CTSD: variants seen among roughly 807,000 people sequenced by gnomAD.
CTSD encodes the protein ceroid-lipofuscinosis, neuronal 10.
CTSD carries 28 observed loss-of-function variants against 43.6 expected under a neutral mutation model. The ratio of observed to expected loss-of-function variants is 0.64; its 90% CI spans 0.48 to 0.88. The LOEUF (loss-of-function observed/expected upper bound fraction) is 0.88, where lower values mean the gene tolerates loss of function less well. Ranked by LOEUF, CTSD falls within the 40% of genes least tolerant of loss-of-function variation. The pLI is 0.00. For synonymous variants in CTSD, 270 were observed against 249.8 expected (o/e 1.08, Z -0.76); for missense variants, 485 against 555.2 (o/e 0.87, Z 1.27).
intron 1 of CTSD, chr11:1,761,801 G>A (rs921337990): frequency 1.2e-5 from 5 of 426,116 alleles, no homozygotes; most frequent in South Asian, 6.3e-5. Flanking sequence ...AGGGTCTCCC[G>A]TCCTCCCTCT....
rs1474705113 is a variant in CTSD, at chr11:1,763,895, C to G, written c.-36G>C. 1.3e-6 allele frequency: 2 copies of G among 1,509,628 alleles called. No individual in the cohort carries two copies. Among genetic ancestry groups the G allele is most frequent in the Admixed American group, 2.0e-5 (1 of 49,254 alleles). 93.5% of individuals were successfully genotyped at this position (1,509,628 alleles called of 1,614,324 possible). ...GCCGGGTCGGAGAGGGTCGCCGAGGCCGTGCGCTTATAGCCGGGATGACGC... is the reference window on the plus strand; with the variant it reads ...GCCGGGTCGGAGAGGGTCGCCGAGGGCGTGCGCTTATAGCCGGGATGACGC... On this transcript the variant is annotated 5_prime_UTR_variant, in exon 1 of 9. Coordinates refer to ENST00000236671, the MANE Select transcript of CTSD (RefSeq NM_001909.5).
Position 1,755,222 on chromosome 11 carries a change from T to C in CTSD, c.705-194A>G, listed in dbSNP as rs1590905254. The C allele has an allele frequency of 1.6e-5, 11 of 686,986 alleles. No individual in the cohort carries two copies. The East Asian group carries it at 3.0e-4, about 19-fold the overall frequency. 42.6% of individuals were successfully genotyped at this position (686,986 alleles called of 1,614,324 possible). A position where few individuals can be genotyped will look rare whatever the true frequency, so the allele number is the denominator to read the frequency against. On this transcript the variant is annotated intron_variant, in intron 5 of 8. Coordinates refer to ENST00000236671, the MANE Select transcript of CTSD (RefSeq NM_001909.5). ...CCTTCTTCCCGGGGTAGGGCTGCTC[T>C]GCGTGGGCCCAGCCTGGCCCAGAAG...
At chr11:1,762,374 C>T (rs577798818) in intron 1 of CTSD, 1 of 152,406 alleles carries the variant, frequency 6.6e-6, no homozygotes, top group Non-Finnish European at 1.5e-5. Context: ...GCTCCTCCCC[C>T]AGGGCCACTG....
chr11:1,758,920 C>G, intron 4 of CTSD, 49 bp downstream of exon 4: 2 of 1,358,782 alleles, frequency 1.5e-6, no homozygotes, highest in Middle Eastern at 1.8e-4. Context: ...TGGGTGAACC[C>G]CACACCCTGG....
At chr11:1,757,132 CTG>C (rs1845819233) in intron 5 of CTSD, among the ~76,000 whole-genome samples, 190 bp downstream of exon 5, 1 of 152,262 alleles carries the variant, frequency 6.6e-6, no homozygotes, top group South Asian at 2.1e-4. Flanking sequence ...ACAGCTTTCT[CTG>C]TGCTGCCGCT....
At chr11:1,758,577 G>A (rs898798350) in intron 4 of CTSD, among the ~76,000 whole-genome samples, 7 of 152,026 alleles carry the variant, frequency 4.6e-5, no homozygotes, top group African/African-American at 9.7e-5. Flanking sequence ...CGGGTTCCTG[G>A]TACATCCTCC....
At chr11:1,761,508 C>T (rs765656963) in intron 1 of CTSD, 40 bp from the exon 2 acceptor site, 80 of 1,610,706 alleles carry the variant, frequency 5.0e-5, no homozygotes, top group African/African-American at 9.3e-5. Context: ...GAGGCCCTCC[C>T]GCCTGCCGGC....
intron 6 of CTSD, among the ~76,000 whole-genome samples, chr11:1,754,516 A>AGGGGATGTGGGGATGTG (rs1338888503): frequency 3.1e-5 from 1 of 32,618 alleles, no homozygotes; most frequent in Non-Finnish European, 5.5e-5. Context: ...GGAGGGATGG[A>AGGGGATGTGGGGATGTG]GGGATGGAGG....
intron 6 of CTSD, among the ~76,000 whole-genome samples, 163 bp downstream of exon 6, chr11:1,754,743 G>C (rs1845788754): frequency 6.6e-6 from 1 of 151,434 alleles, no homozygotes; most frequent in African/African-American, 2.4e-5. Context: ...GCATGGAGGG[G>C]CAAGGAGGGG....
Position 1,753,913 on chromosome 11 carries a change from C to T in CTSD, c.973-12G>A, listed in dbSNP as rs746052248. On this transcript the variant is annotated splice_polypyrimidine_tract_variant and intron_variant, in intron 7 of 8. Transcript: ENST00000236671. The stretch of plus-strand genomic sequence containing the variant: ...CAGGGGATCATGTACTAAGAGGGGT[C>T]ACAGCAGTGTCAGGGTGGTAGTGGT... 3.1e-6 allele frequency: 5 copies of T among 1,612,962 alleles called. No individual in the cohort carries two copies. The South Asian group carries it at 5.5e-5, about 18-fold the overall frequency.
chr11:1,758,975 A>G lies in CTSD; in HGVS notation c.465T>C (p.Thr155=), dbSNP rs11555039. ...GSLSGYLSQD[T]VSVPCQSASS... ...AGGCCCCAGAGGGACTCACCGACAC[A>G]GTGTCCTGGCTCAGGTACCCGGAGA... The change falls in exon 4 of 9, where the codon ACT becomes ACC. Residue 155 remains threonine (T), a synonymous_variant. Coordinates refer to ENST00000236671, the MANE Select transcript of CTSD (RefSeq NM_001909.5). The G allele has an allele frequency of 0.083, 133,452 of 1,606,950 alleles. 5,929 individuals carry two copies. The highest frequency in any genetic ancestry group is 0.14 in the Middle Eastern group (843 of 6,050).
rs772151839 is a variant in CTSD at position 1,754,003 on chromosome 11, A to C, written c.963T>G (p.Ile321Met). 6.2e-7 allele frequency: 1 copy of C among 1,602,652 alleles called. No individual in the cohort carries two copies. Among genetic ancestry groups the C allele is most frequent in the Admixed American group, 1.7e-5 (1 of 59,272 alleles). ...AGCCCCCGGCGCTCACCTCGCCCTG[A>C]ATCAGCGGCACGGCCCCGATGGCCT... ...LQKAIGAVPL[I>M]QGEYMIPCEK... Residue 321 changes from isoleucine to methionine, a missense_variant, in exon 7 of 9, where the codon ATT becomes ATG. Physicochemically the swap from Ile to Met is conservative, Grantham distance 10 (BLOSUM62 1). Transcript: ENST00000236671.
chr11:1,761,067 A>G, intron 2 of CTSD: 2 of 550,926 alleles, frequency 3.6e-6, no homozygotes. Context: ...CCAAGGCCCG[A>G]GGCCACTCCC....
At chr11:1,755,340 G>A (rs1845796912) in intron 5 of CTSD, 2 of 436,148 alleles carry the variant, frequency 4.6e-6, no homozygotes, top group Non-Finnish European at 8.6e-6. Context: ...ACAAGGAAGT[G>A]AGTGCCAGGA....
rs1178540804 is a variant in CTSD at position 1,763,835 on chromosome 11, G to T, written c.25C>A (p.Leu9Ile). 2.6e-6 allele frequency: 4 copies of T among 1,528,286 alleles called. No individual in the cohort carries two copies. The allele number at this position is 1,528,286 out of a possible 1,614,324, so 94.7% of individuals were successfully genotyped here. The change falls in exon 1 of 9, where the codon CTC becomes ATC. Residue 9 changes from leucine to isoleucine, a missense_variant. By Grantham distance (5) the Leu-to-Ile change is conservative. Transcript: ENST00000236671. ...GGTGCAGCCAGCAGGCAGAGGGCGA[G>T]CGGCAGAAGGCTGGAGGGCTGCATG... MQPSSLLPLALCLLAAPAS... is the reference protein window; with the variant it reads MQPSSLLPIALCLLAAPAS...
chr11:1,753,409 T>G lies in CTSD; in HGVS notation c.*94A>C. On this transcript the variant is annotated 3_prime_UTR_variant, in exon 9 of 9. Transcript: ENST00000236671. ...GCGCCCAGGACAGTGGGCGGGCGAG[T>G]GTGTGGGTGTGTGTGGGAGGGGCCG... 3 of 1,446,752 alleles carry G rather than the reference T, an allele frequency of 2.1e-6. No homozygotes were observed. The highest frequency in any genetic ancestry group is 1.9e-6 in the Non-Finnish European group (2 of 1,032,408). 89.6% of individuals were successfully genotyped at this position (1,446,752 alleles called of 1,614,324 possible). A position where few individuals can be genotyped will look rare whatever the true frequency, so the allele number is the denominator to read the frequency against.
Position 1,761,254 on chromosome 11 carries a change from C to T in CTSD, c.228+55G>A, listed in dbSNP as rs551095500. 173 of 1,599,434 alleles carry T rather than the reference C, an allele frequency of 1.1e-4. No individual in the cohort carries two copies. The African/African-American group carries it at 1.5e-3, about 14-fold the overall frequency. On this transcript the variant is annotated intron_variant, in intron 2 of 8. Coordinates refer to ENST00000236671, the MANE Select transcript of CTSD (RefSeq NM_001909.5). Reference sequence around the variant, plus strand: ...GGTGGGAATGTTCCCCATACTGCCACGGAGCTCTCCTGACAGTGGCTCCGC... The same window carrying T: ...GGTGGGAATGTTCCCCATACTGCCATGGAGCTCTCCTGACAGTGGCTCCGC...
chr11:1,761,244 C>T, intron 2 of CTSD, 65 bp downstream of exon 2: 1 of 1,579,090 alleles, frequency 6.3e-7, no homozygotes. Flanking sequence ...GAATGTTCCC[C>T]ATACTGCCAC....
intron 6 of CTSD, chr11:1,754,355 CATGGAGGG>C: frequency 1.9e-6 from 1 of 513,956 alleles, no homozygotes. Context: ...TGGTGAGGGG[CATGGAGGG>C]ATGGAGGGGA....
Sources: allele counts gnomAD v4.1 joint callset (sites outside exome capture counted in the v4.1 genomes callset), GRCh38; gene constraint gnomAD v4.1.1; transcripts MANE v1.5; gene names NCBI Gene and HGNC (gene_info 2026-07-23, HGNC 2026-07-21).